Variants in CADPS2 observed in about 807,000 individuals in gnomAD.
The protein encoded by CADPS2 is calcium-dependent secretion activator 2.
A neutral mutation model predicts 172.5 loss-of-function variants in CADPS2; 93 were observed. The observed-to-expected ratio is 0.54, with a 90% confidence interval of 0.46 to 0.64. The LOEUF (loss-of-function observed/expected upper bound fraction) is 0.64. Ranked by LOEUF, CADPS2 falls within the 30% of genes least tolerant of loss-of-function variation. The pLI is 0.00. For synonymous variants in CADPS2, 546 were observed against 555.2 expected (o/e 0.98, Z 0.23); for missense variants, 1,420 against 1,565.9 (o/e 0.91, Z 1.57).
At chr7:122,854,823 ACACTGTTTCAG>A (rs1273937411) in intron 1 of CADPS2, among the ~76,000 whole-genome samples, 2 of 152,208 alleles carry the variant, frequency 1.3e-5, no homozygotes, top group Non-Finnish European at 2.9e-5. Context: ...TGACATGAAA[ACACTGTTTCAG>A]CACTATAGGT....
At chr7:122,780,893 CA>C (rs1411811896) in intron 1 of CADPS2, among the ~76,000 whole-genome samples, 4 of 94,138 alleles carry the variant, frequency 4.2e-5, no homozygotes, top group Non-Finnish European at 8.6e-5. Flanking sequence ...ACAAACAATG[CA>C]AAAATCACTC....
intron 3 of CADPS2, among the ~76,000 whole-genome samples, chr7:122,635,695 T>C (rs916143868): frequency 1.3e-5 from 2 of 152,208 alleles, no homozygotes; most frequent in Admixed American, 6.5e-5. Context: ...GGCATTTGGA[T>C]TGGTTCCAAG....
intron 7 of CADPS2, among the ~76,000 whole-genome samples, chr7:122,560,493 C>T (rs775737446): frequency 6.6e-6 from 1 of 152,156 alleles, no homozygotes; most frequent in Non-Finnish European, 1.5e-5. Flanking sequence ...TCATGTGACT[C>T]AATGATCAGG....
chr7:122,652,493 A>G (rs1380735463), intron 3 of CADPS2, among the ~76,000 whole-genome samples: 1 of 152,164 alleles, frequency 6.6e-6, no homozygotes, highest in African/African-American at 2.4e-5. Context: ...TCTCTAAAAG[A>G]ATATATATAT....
intron 8 of CADPS2, among the ~76,000 whole-genome samples, chr7:122,545,301 C>T (rs1382928843): frequency 1.3e-5 from 2 of 152,106 alleles, no homozygotes; most frequent in Admixed American, 1.3e-4. Context: ...AAATAAACTG[C>T]CTCTCTTGGC....
At chr7:122,478,003 A>G (rs957674895) in intron 12 of CADPS2, among the ~76,000 whole-genome samples, 1 of 152,222 alleles carries the variant, frequency 6.6e-6, no homozygotes, top group African/African-American at 2.4e-5. Flanking sequence ...AGATATCATT[A>G]AGATATTATC....
chr7:122,402,354 C>T (rs1478790274), intron 20 of CADPS2, among the ~76,000 whole-genome samples: 2 of 152,164 alleles, frequency 1.3e-5, no homozygotes, highest in Non-Finnish European at 1.5e-5. Context: ...ACTGGAGACC[C>T]AGTACTCAGG....
intron 3 of CADPS2, among the ~76,000 whole-genome samples, chr7:122,660,975 AAG>A: frequency 6.6e-6 from 1 of 152,308 alleles, no homozygotes; most frequent in African/African-American, 2.4e-5. Context: ...TTTAAAAATA[AAG>A]ACTTATGTTA....
intron 17 of CADPS2, among the ~76,000 whole-genome samples, chr7:122,417,163 T>C (rs2048022416): frequency 6.6e-6 from 1 of 152,186 alleles, no homozygotes; most frequent in African/African-American, 2.4e-5. Flanking sequence ...GGAGACACTT[T>C]CATTTGCTCT....
At chr7:122,714,856 C>T (rs2136862644) in intron 2 of CADPS2, among the ~76,000 whole-genome samples, 1 of 152,246 alleles carries the variant, frequency 6.6e-6, no homozygotes, top group South Asian at 2.1e-4. Context: ...TGTCTTATCT[C>T]ATTTAAAATT....
chr7:122,694,252 A>G (rs917372513), intron 2 of CADPS2, among the ~76,000 whole-genome samples: 29 of 152,184 alleles, frequency 1.9e-4, no homozygotes, highest in African/African-American at 7.0e-4. Context: ...AATTAAGGGA[A>G]ACTGCTTGGA....
At chr7:122,578,056 T>C (rs2068272488) in intron 7 of CADPS2, among the ~76,000 whole-genome samples, 1 of 151,186 alleles carries the variant, frequency 6.6e-6, no homozygotes, top group South Asian at 2.1e-4. Flanking sequence ...TTTGTTCTAA[T>C]TAGAAAAGTA....
At chr7:122,631,891 T>A (rs1476008505) in intron 3 of CADPS2, among the ~76,000 whole-genome samples, 1 of 152,158 alleles carries the variant, frequency 6.6e-6, no homozygotes, top group Non-Finnish European at 1.5e-5. Flanking sequence ...CATCTTTATA[T>A]CTATGTATAT....
chr7:122,862,395 A>G (rs1817176059), intron 1 of CADPS2, among the ~76,000 whole-genome samples: 1 of 152,180 alleles, frequency 6.6e-6, no homozygotes, highest in East Asian at 1.9e-4. Flanking sequence ...ATCCAAGGAA[A>G]GAAGAGAAAG....
chr7:122,744,616 C>A (rs1019749317), intron 1 of CADPS2, among the ~76,000 whole-genome samples: 1 of 152,160 alleles, frequency 6.6e-6, no homozygotes, highest in East Asian at 1.9e-4. Context: ...CACTGTCACA[C>A]AGTGTTGACA....
intron 3 of CADPS2, among the ~76,000 whole-genome samples, chr7:122,656,885 T>C (rs1196939163): frequency 6.6e-6 from 1 of 152,362 alleles, no homozygotes; most frequent in Non-Finnish European, 1.5e-5. Flanking sequence ...TCCTTGCCCA[T>C]GCCTATGTCC....
Position 122,676,312 on chromosome 7 carries a change from C to G in CADPS2, c.454-12743G>C, listed in dbSNP as rs1247960932. The stretch of plus-strand genomic sequence containing the variant: ...CCTTCATAAAATTTTATTAATGGCA[C>G]CTTAAATGTAAACACTACAGAGAAA... On this transcript the variant is annotated intron_variant, in intron 2 of 29. Coordinates refer to ENST00000449022, the MANE Select transcript of CADPS2 (RefSeq NM_017954.11). 5.9e-5 allele frequency among the ~76,000 whole-genome samples: 9 copies of G among 152,210 alleles called. No homozygotes were observed. The South Asian group carries it at 1.9e-3, about 32-fold the overall frequency.
intron 1 of CADPS2, among the ~76,000 whole-genome samples, chr7:122,816,870 A>C (rs556554740): frequency 4.0e-5 from 6 of 151,828 alleles, no homozygotes; most frequent in Admixed American, 6.5e-5. Flanking sequence ...TCCACCACAA[A>C]AGAAGTGTAA....
chr7:122,786,967 G>A (rs1002275189), intron 1 of CADPS2, among the ~76,000 whole-genome samples: 2 of 152,140 alleles, frequency 1.3e-5, no homozygotes, highest in Non-Finnish European at 2.9e-5. Flanking sequence ...TACATCCTCA[G>A]TGCTAGAAAA....
Sources: allele counts gnomAD v4.1 joint callset (sites outside exome capture counted in the v4.1 genomes callset), GRCh38; gene constraint gnomAD v4.1.1; transcripts MANE v1.5; gene names NCBI Gene and HGNC (gene_info 2026-07-23, HGNC 2026-07-21).